SUCLG1: variants seen among roughly 807,000 people sequenced by gnomAD.
The protein encoded by SUCLG1 is succinate--CoA ligase [ADP/GDP-forming] subunit alpha, mitochondrial.
In SUCLG1, 26 loss-of-function variants were observed where a neutral mutation model predicts 37.3. That is an observed-to-expected ratio of 0.70 (90% CI 0.51 to 0.97). SUCLG1 has a LOEUF of 0.97. Ranked by LOEUF, SUCLG1 falls within the 50% of genes least tolerant of loss-of-function variation. The pLI, the probability that SUCLG1 is intolerant of heterozygous loss-of-function variation, is 0.00. For synonymous variants in SUCLG1, 163 were observed against 155.6 expected (o/e 1.05, Z -0.36); for missense variants, 433 against 432.9 (o/e 1.00, Z 0.00).
intron 1 of SUCLG1, among the ~76,000 whole-genome samples, chr2:84,456,156 G>A (rs1211316830): frequency 1.3e-5 from 2 of 152,042 alleles, no homozygotes; most frequent in South Asian, 2.1e-4. Context: ...ACAGGCCTAC[G>A]CACTTGGCAA....
intron 8 of SUCLG1, 40 bp downstream of exon 8, chr2:84,425,375 C>T (rs374859665): frequency 6.2e-7 from 1 of 1,612,840 alleles, no homozygotes; most frequent in South Asian, 1.1e-5. Flanking sequence ...ACAGAGAAAG[C>T]CTGCAACCTC....
At chr2:84,430,319 T>C (rs1429693036) in intron 7 of SUCLG1, among the ~76,000 whole-genome samples, 1 of 152,138 alleles carries the variant, frequency 6.6e-6, no homozygotes, top group African/African-American at 2.4e-5. Flanking sequence ...CACTACTATA[T>C]CGTCATTTTT....
At chr2:84,425,948 G>T in intron 7 of SUCLG1, 1 of 343,456 alleles carries the variant, frequency 2.9e-6, no homozygotes, top group Non-Finnish European at 5.6e-6. Context: ...ACAAGACTGG[G>T]TTGCTTTACT....
At chr2:84,451,608 A>G (rs981427546) in intron 1 of SUCLG1, among the ~76,000 whole-genome samples, 4 of 152,190 alleles carry the variant, frequency 2.6e-5, no homozygotes, top group Non-Finnish European at 5.9e-5. Flanking sequence ...AATTCTATGG[A>G]GCTCAAGATT....
intron 4 of SUCLG1, 30 bp from the exon 5 acceptor site, chr2:84,441,134 T>C (rs1558611725): frequency 1.3e-6 from 2 of 1,493,824 alleles, no homozygotes; most frequent in South Asian, 2.3e-5. Context: ...TCAGAAATGT[T>C]AAAAAAAAAA....
At chr2:84,447,897 T>C (rs943320359) in intron 2 of SUCLG1, among the ~76,000 whole-genome samples, 6 of 151,964 alleles carry the variant, frequency 3.9e-5, no homozygotes, top group African/African-American at 1.5e-4. Context: ...ACCCAGCTAA[T>C]TTTTCTGTTT....
intron 7 of SUCLG1, among the ~76,000 whole-genome samples, chr2:84,427,507 A>C (rs1035085708): frequency 1.3e-5 from 2 of 152,244 alleles, no homozygotes; most frequent in African/African-American, 4.8e-5. Context: ...TTCATCATTT[A>C]ATAACAACAA....
intron 7 of SUCLG1, among the ~76,000 whole-genome samples, chr2:84,431,072 A>G (rs1672606233): frequency 6.6e-6 from 1 of 152,194 alleles, no homozygotes; most frequent in Non-Finnish European, 1.5e-5. Context: ...GAAAGTCTAA[A>G]ACTGGAAGGA....
intron 1 of SUCLG1, among the ~76,000 whole-genome samples, chr2:84,457,034 T>C (rs913718912): frequency 2.0e-5 from 3 of 152,194 alleles, no homozygotes; most frequent in African/African-American, 4.8e-5. Context: ...GAGTTTTTTC[T>C]GTGGCTGTTA....
intron 6 of SUCLG1, 45 bp downstream of exon 6, chr2:84,433,307 A>C (rs563617659): frequency 6.8e-7 from 1 of 1,472,014 alleles, no homozygotes; most frequent in Admixed American, 1.7e-5. Context: ...TCATCCAATG[A>C]AGACACCACA....
chr2:84,440,906 TAGA>T, intron 5 of SUCLG1, 138 bp downstream of exon 5: 5 of 772,058 alleles, frequency 6.5e-6, no homozygotes, highest in Non-Finnish European at 1.1e-5. Context: ...ACAGAATTGA[TAGA>T]CTACAAAACT....
chr2:84,448,620 C>T (rs1027557469), intron 2 of SUCLG1, among the ~76,000 whole-genome samples: 1 of 150,792 alleles, frequency 6.6e-6, no homozygotes, highest in Non-Finnish European at 1.5e-5. Context: ...CGTGGTTATA[C>T]TCTAATTGAT....
At chr2:84,455,367 GC>G (rs1673001516) in intron 1 of SUCLG1, among the ~76,000 whole-genome samples, 2 of 152,156 alleles carry the variant, frequency 1.3e-5, no homozygotes, top group Non-Finnish European at 2.9e-5. Flanking sequence ...GGTGGCACAT[GC>G]CTGTAATCCC....
intron 5 of SUCLG1, among the ~76,000 whole-genome samples, chr2:84,435,890 G>C (rs147953800): frequency 6.6e-6 from 1 of 152,264 alleles, no homozygotes; most frequent in East Asian, 1.9e-4. Context: ...TGCCACTACT[G>C]TTTTCCAGGA....
At chr2:84,452,569 G>A (rs1237139516) in intron 1 of SUCLG1, among the ~76,000 whole-genome samples, 1 of 152,102 alleles carries the variant, frequency 6.6e-6, no homozygotes, top group Non-Finnish European at 1.5e-5. Flanking sequence ...AGCTACAAAC[G>A]CTTTCATGTG....
chr2:84,453,830 C>T (rs537125300), intron 1 of SUCLG1, among the ~76,000 whole-genome samples: 1 of 152,358 alleles, frequency 6.6e-6, no homozygotes, highest in Non-Finnish European at 1.5e-5. Flanking sequence ...CTCCTTCTTT[C>T]CAGATTCTTA....
chr2:84,431,624 T>C lies in SUCLG1; in HGVS notation c.709A>G (p.Ile237Val), dbSNP rs1228594529. ...GGDPFNGTDF[I>V]DCLEIFLNDS... ...TTCAAAAAGATTTCGAGGCAGTCAA[T>C]AAAATCTGTTCCATTAAAAGGATCA... Residue 237 changes from isoleucine to valine, a missense_variant, in exon 7 of 9, where the codon ATT (isoleucine) becomes GTT (valine). Physicochemically the swap from Ile to Val is conservative, Grantham distance 29. Coordinates refer to ENST00000393868, the MANE Select transcript of SUCLG1 (RefSeq NM_003849.4). The C allele has an allele frequency of 1.9e-6, 3 of 1,613,846 alleles. No individual in the cohort carries two copies. Among genetic ancestry groups the C allele is most frequent in the Non-Finnish European group, 2.5e-6 (3 of 1,179,904 alleles).
chr2:84,451,592 T>C (rs1486226528), intron 1 of SUCLG1, among the ~76,000 whole-genome samples: 1 of 152,234 alleles, frequency 6.6e-6, no homozygotes, highest in Non-Finnish European at 1.5e-5. Flanking sequence ...CCAGATCTCC[T>C]GGATCAATTC....
At chr2:84,434,049 C>T (rs1672647816) in intron 5 of SUCLG1, among the ~76,000 whole-genome samples, 1 of 152,100 alleles carries the variant, frequency 6.6e-6, no homozygotes, top group Admixed American at 6.6e-5. Flanking sequence ...ACGTCTACTC[C>T]CCCTTCACCT....
Sources: gnomAD v4.1 joint callset for allele counts (sites outside exome capture counted in the v4.1 genomes callset) on GRCh38, gnomAD v4.1.1 for gene constraint, MANE v1.5 for transcripts, NCBI Gene and HGNC (gene_info 2026-07-23, HGNC 2026-07-21) for gene names.